SSBP3: variants seen among roughly 807,000 people sequenced by gnomAD.
The protein encoded by SSBP3 is single stranded DNA binding protein 3.
SSBP3 carries 5 observed loss-of-function variants against 69.6 expected under a neutral mutation model. The observed-to-expected ratio is 0.07, with a 90% confidence interval of 0.04 to 0.15. The LOEUF (loss-of-function observed/expected upper bound fraction) is 0.15. Among genes scored for constraint, SSBP3 ranks in the 10% least tolerant of loss-of-function variants. SSBP3 has a pLI of 1.00. For synonymous variants in SSBP3, 196 were observed against 193.4 expected, an observed-to-expected ratio of 1.01 and a Z score of -0.11; for missense variants, 312 against 534.0, an observed-to-expected ratio of 0.58 and a Z score of 4.10.
intron 4 of SSBP3, among the ~76,000 whole-genome samples, chr1:54,341,427 T>C (rs914017332): frequency 5.9e-5 from 9 of 152,068 alleles, no homozygotes; most frequent in South Asian, 2.1e-4. Context: ...TGATTTCTGA[T>C]TATAATGTTT....
intron 4 of SSBP3, among the ~76,000 whole-genome samples, chr1:54,371,563 C>T (rs1185898425): frequency 6.6e-6 from 1 of 152,202 alleles, no homozygotes; most frequent in Non-Finnish European, 1.5e-5. Flanking sequence ...GATGGTGCCT[C>T]TGGATGCACT....
intron 4 of SSBP3, among the ~76,000 whole-genome samples, chr1:54,393,007 T>C (rs1377539902): frequency 6.6e-6 from 1 of 152,036 alleles, no homozygotes; most frequent in Non-Finnish European, 1.5e-5. Context: ...AGAAGAATAA[T>C]TGGCAGGGGA....
intron 4 of SSBP3, among the ~76,000 whole-genome samples, chr1:54,387,885 G>A (rs1648204028): frequency 6.6e-6 from 1 of 152,124 alleles, no homozygotes; most frequent in Non-Finnish European, 1.5e-5. Context: ...AAGGCCCCGA[G>A]CCAGAACAAG....
At chr1:54,319,374 A>T (rs1646172557) in intron 4 of SSBP3, among the ~76,000 whole-genome samples, 1 of 152,014 alleles carries the variant, frequency 6.6e-6, no homozygotes, top group African/African-American at 2.4e-5. Flanking sequence ...CGTGAATGGG[A>T]GTTGCAGAGT....
chr1:54,346,086 T>G (rs1646685592), intron 4 of SSBP3, among the ~76,000 whole-genome samples: 2 of 150,872 alleles, frequency 1.3e-5, no homozygotes, highest in Admixed American at 6.6e-5. Context: ...TCGCTTGAAC[T>G]CAAGAGGCAG....
intron 9 of SSBP3, among the ~76,000 whole-genome samples, chr1:54,249,918 G>A (rs1377071254): frequency 3.3e-5 from 5 of 152,098 alleles, no homozygotes; most frequent in African/African-American, 1.2e-4. Flanking sequence ...GGTGGCATTC[G>A]ATTTTCCCTC....
At chr1:54,282,062 T>C (rs145590468) in intron 4 of SSBP3, among the ~76,000 whole-genome samples, 2,339 of 150,672 alleles carry the variant, frequency 0.016, 37 homozygotes, top group East Asian at 0.064. Flanking sequence ...ATAATAATAA[T>C]AATAATAATA....
chr1:54,273,198 T>A lies in SSBP3; in HGVS notation c.366+8240A>T, dbSNP rs3766423. 4.1e-3 allele frequency among the ~76,000 whole-genome samples: 621 copies of A among 152,350 alleles called. 14 individuals are homozygous for A. Among genetic ancestry groups the A allele is most frequent in the Admixed American group, 0.031 (480 of 15,308 alleles). On this transcript the variant is annotated intron_variant, in intron 5 of 17. Coordinates refer to ENST00000610401, the Ensembl canonical transcript of SSBP3. Reference sequence around the variant, plus strand: ...TGCATAGCTAACTGGGCGGCAGACATTGATTTATGTTCAACTTTCCATTTC... The same window carrying A: ...TGCATAGCTAACTGGGCGGCAGACAATGATTTATGTTCAACTTTCCATTTC...
intron 5 of SSBP3, among the ~76,000 whole-genome samples, chr1:54,272,448 C>A (rs1645209876): frequency 6.6e-6 from 1 of 151,312 alleles, no homozygotes; most frequent in African/African-American, 2.4e-5. Flanking sequence ...CTTCCTCAAA[C>A]CTCTTCTGCT....
intron 9 of SSBP3, among the ~76,000 whole-genome samples, chr1:54,250,860 C>T (rs748659115): frequency 3.3e-4 from 50 of 152,186 alleles, no homozygotes; most frequent in Non-Finnish European, 6.3e-4. Flanking sequence ...CACCTGTCAG[C>T]GCCAACACCT....
chr1:54,321,146 T>C (rs1464146665), intron 4 of SSBP3, among the ~76,000 whole-genome samples: 1 of 152,230 alleles, frequency 6.6e-6, no homozygotes, highest in Non-Finnish European at 1.5e-5. Flanking sequence ...ACAAAGGCAC[T>C]GACCCTGGAG....
chr1:54,392,296 C>A (rs1648554938), intron 4 of SSBP3, among the ~76,000 whole-genome samples: 1 of 152,216 alleles, frequency 6.6e-6, no homozygotes, highest in Non-Finnish European at 1.5e-5. Context: ...TGAGGCTCAG[C>A]AATTGCTTGT....
chr1:54,244,514 C>T (rs904672453), intron 9 of SSBP3, among the ~76,000 whole-genome samples: 2 of 152,092 alleles, frequency 1.3e-5, no homozygotes, highest in Non-Finnish European at 2.9e-5. Flanking sequence ...CCGAAAGTAT[C>T]AGGATTACAG....
chr1:54,259,721 C>T (rs1207830403), intron 5 of SSBP3, among the ~76,000 whole-genome samples: 2 of 152,204 alleles, frequency 1.3e-5, no homozygotes, highest in Non-Finnish European at 2.9e-5. Flanking sequence ...AAGAGGTGTG[C>T]AGAGAACATC....
chr1:54,400,989 A>G (rs1649250265), intron 4 of SSBP3, among the ~76,000 whole-genome samples: 1 of 152,224 alleles, frequency 6.6e-6, no homozygotes, highest in African/African-American at 2.4e-5. Context: ...CTATATGGAC[A>G]TGCTTAACTG....
At chr1:54,327,243 A>C (rs900811272) in intron 4 of SSBP3, among the ~76,000 whole-genome samples, 2 of 151,342 alleles carry the variant, frequency 1.3e-5, no homozygotes, top group African/African-American at 2.4e-5. Context: ...GAAGGAAGGA[A>C]GGAAGGAAGG....
rs539598486 is a variant in SSBP3 at position 54,274,382 on chromosome 1, C to T, written c.366+7056G>A. ...TTTTCTGACTTGGAGAGTGCTTCCACCAGCAACTATTAACATAAGAGGGTG... is the reference window on the plus strand; with the variant it reads ...TTTTCTGACTTGGAGAGTGCTTCCATCAGCAACTATTAACATAAGAGGGTG... On this transcript the variant is annotated intron_variant, in intron 5 of 17. Coordinates refer to ENST00000610401, the Ensembl canonical transcript of SSBP3. 8.7e-5 allele frequency among the ~76,000 whole-genome samples: 13 copies of T among 150,146 alleles called. No individual in the cohort carries two copies. In the South Asian group the frequency reaches 2.9e-3, roughly 33 times the overall value.
chr1:54,327,586 CT>C lies in SSBP3; in HGVS notation c.277-46060del, dbSNP rs557150736. Among the ~76,000 whole-genome samples, 248 of 152,174 alleles carry C rather than the reference CT, an allele frequency of 1.6e-3. 1 individual carries two copies. Among genetic ancestry groups the C allele is most frequent in the African/African-American group, 5.5e-3 (227 of 41,538 alleles). ...TTTCTTTCTTTCCCTTTCTCTCTCT[CT>C]TTTTTAATGATTCTGCAGCTGCTGC... On this transcript the variant is annotated intron_variant, in intron 4 of 17. Transcript: ENST00000610401.
chr1:54,259,420 C>A (rs963358174), intron 5 of SSBP3, among the ~76,000 whole-genome samples: 7 of 152,210 alleles, frequency 4.6e-5, no homozygotes, highest in African/African-American at 1.7e-4. Context: ...CCATGGGTCA[C>A]AGTCAGTAAG....
Sources: allele counts gnomAD v4.1 joint callset (sites outside exome capture counted in the v4.1 genomes callset), GRCh38; gene constraint gnomAD v4.1.1; transcripts MANE v1.5; gene names NCBI Gene and HGNC (gene_info 2026-07-23, HGNC 2026-07-21).